Variants in DYNC1I1 observed in about 807,000 individuals in gnomAD.
DYNC1I1 encodes cytoplasmic dynein 1 intermediate chain 1.
DYNC1I1 carries 43 observed loss-of-function variants against 86.6 expected under a neutral mutation model. The ratio of observed to expected loss-of-function variants is 0.50; its 90% CI spans 0.39 to 0.64. The LOEUF is 0.64. Ranked by LOEUF, DYNC1I1 falls within the 30% of genes least tolerant of loss-of-function variation. The pLI, the probability that DYNC1I1 is intolerant of heterozygous loss-of-function variation, is 0.00. For missense variants in DYNC1I1, 604 were observed against 788.8 expected, an observed-to-expected ratio of 0.77 and a Z score of 2.81; for synonymous variants, 262 against 283.7, an observed-to-expected ratio of 0.92 and a Z score of 0.77.
intron 6 of DYNC1I1, among the ~76,000 whole-genome samples, chr7:95,900,157 T>A (rs964852668): frequency 6.6e-6 from 1 of 152,166 alleles, no homozygotes; most frequent in African/African-American, 2.4e-5. Flanking sequence ...TCCATCCTAC[T>A]GCATTTTCAA....
intron 6 of DYNC1I1, among the ~76,000 whole-genome samples, chr7:95,912,423 A>G (rs1791362239): frequency 6.6e-6 from 1 of 152,220 alleles, no homozygotes; most frequent in Non-Finnish European, 1.5e-5. Context: ...TCTCCGTGGT[A>G]TGAGGACATT....
intron 6 of DYNC1I1, among the ~76,000 whole-genome samples, chr7:95,958,901 TGAG>T (rs1351668095): frequency 6.6e-6 from 1 of 152,134 alleles, no homozygotes; most frequent in East Asian, 1.9e-4. Context: ...TTATGGCCCT[TGAG>T]GAGTTTTAAG....
At chr7:95,971,538 C>T (rs1313654376) in intron 6 of DYNC1I1, among the ~76,000 whole-genome samples, 1 of 152,134 alleles carries the variant, frequency 6.6e-6, no homozygotes, top group Non-Finnish European at 1.5e-5. Context: ...CTTTATATCT[C>T]TCCAAGTCTA....
Position 95,977,575 on chromosome 7 carries a change from A to C in DYNC1I1, c.554A>C (p.Gln185Pro), listed in dbSNP as rs141450323. The C allele has an allele frequency of 2.9e-5, 46 of 1,613,342 alleles. No homozygotes were observed. The African/African-American group carries it at 6.0e-4, about 21-fold the overall frequency. The stretch of plus-strand genomic sequence containing the variant: ...GGCCAGGACTCAGAACTGGAAAATC[A>C]GGACAAAAAACAGGAAGTGAAGGAA... ...KVGQDSELEN[Q>P]DKKQEVKEAP... The change falls in exon 7 of 17, where the codon CAG becomes CCG. Residue 185 changes from glutamine (Q) to proline (P), a missense_variant. By Grantham distance (76) the Gln-to-Pro change is moderately conservative. Transcript: ENST00000447467.
chr7:95,990,703 T>C (rs993646227), intron 9 of DYNC1I1, among the ~76,000 whole-genome samples: 2 of 152,162 alleles, frequency 1.3e-5, no homozygotes, highest in East Asian at 1.9e-4. Flanking sequence ...CACACACTTA[T>C]TGTGAGTGTT....
rs796292833 is a variant in DYNC1I1 at position 96,036,039 on chromosome 7, C to T, written c.1364+287C>T. On this transcript the variant is annotated intron_variant, in intron 13 of 16. Transcript: ENST00000447467. The stretch of plus-strand genomic sequence containing the variant: ...ATCTCCGCATACCTTCAGGGTCTAG[C>T]CATGTGCCCATCAGAGATAACAATC... Among the ~76,000 whole-genome samples the T allele has an allele frequency of 3.7e-4, 57 of 152,320 alleles. 1 individual carries two copies. Among genetic ancestry groups the T allele is most frequent in the African/African-American group, 1.3e-3 (56 of 41,570 alleles).
intron 10 of DYNC1I1, among the ~76,000 whole-genome samples, chr7:96,014,392 T>A (rs113890949): frequency 6.6e-6 from 1 of 152,166 alleles, no homozygotes; most frequent in African/African-American, 2.4e-5. Flanking sequence ...TTTTTCGGAA[T>A]CTGAAATAGG....
intron 14 of DYNC1I1, among the ~76,000 whole-genome samples, chr7:96,069,758 C>A (rs532043650): frequency 6.6e-6 from 1 of 152,054 alleles, no homozygotes; most frequent in Non-Finnish European, 1.5e-5. Flanking sequence ...TTATTGGTGG[C>A]GCCTCTTGGA....
chr7:96,053,367 C>T (rs1789464000), intron 14 of DYNC1I1, among the ~76,000 whole-genome samples: 3 of 152,102 alleles, frequency 2.0e-5, no homozygotes, highest in Admixed American at 6.6e-5. Flanking sequence ...CTCATCTGGC[C>T]TTTCTGCTAG....
chr7:95,944,351 C>T (rs1173691966), intron 6 of DYNC1I1, among the ~76,000 whole-genome samples: 2 of 151,994 alleles, frequency 1.3e-5, no homozygotes, highest in Non-Finnish European at 2.9e-5. Flanking sequence ...GTTAGAATGG[C>T]AATCATTAAA....
At chr7:96,091,341 AT>A in intron 16 of DYNC1I1, among the ~76,000 whole-genome samples, 1 of 152,342 alleles carries the variant, frequency 6.6e-6, no homozygotes, top group East Asian at 1.9e-4. Flanking sequence ...ATTGTCGTGT[AT>A]CTCTTGGAAA....
chr7:96,080,575 G>A (rs1790484323), intron 16 of DYNC1I1, 87 bp downstream of exon 16: 1 of 1,609,110 alleles, frequency 6.2e-7, no homozygotes, highest in Non-Finnish European at 8.5e-7. Context: ...GAACTTGTAG[G>A]CCACAAGGAC....
At chr7:95,983,675 A>G (rs1317409734) in intron 7 of DYNC1I1, among the ~76,000 whole-genome samples, 5 of 152,182 alleles carry the variant, frequency 3.3e-5, no homozygotes, top group Non-Finnish European at 7.4e-5. Flanking sequence ...TACAGGTGAT[A>G]GTACCTAAAA....
In DYNC1I1 at chr7:96,024,867, G is replaced by A. The variant is rs1026655666; in HGVS notation, c.970-3308G>A. Among the ~76,000 whole-genome samples, 7 of 152,114 alleles carry A rather than the reference G, an allele frequency of 4.6e-5. No individual in the cohort carries two copies. In the South Asian group the frequency reaches 1.2e-3, roughly 27 times the overall value. On this transcript the variant is annotated intron_variant, in intron 10 of 16. Coordinates refer to ENST00000447467, the MANE Select transcript of DYNC1I1 (RefSeq NM_001135556.2). ...TTTATTCACAGTCAGTAAATTCTATGACAATCAGCAGCAACAGTAATGACT... is the reference window on the plus strand; with the variant it reads ...TTTATTCACAGTCAGTAAATTCTATAACAATCAGCAGCAACAGTAATGACT...
At chr7:96,078,324 T>G (rs992715387) in intron 15 of DYNC1I1, among the ~76,000 whole-genome samples, 5 of 152,324 alleles carry the variant, frequency 3.3e-5, no homozygotes, top group African/African-American at 1.2e-4. Context: ...TGGAAATATT[T>G]GTGAAACAAA....
chr7:96,041,385 T>C (rs1016234659), intron 14 of DYNC1I1, among the ~76,000 whole-genome samples: 2 of 152,170 alleles, frequency 1.3e-5, no homozygotes, highest in Admixed American at 6.5e-5. Context: ...AAATGCAAAA[T>C]GGCTCAACAC....
chr7:96,103,203 G>T (rs1326014066), downstream of DYNC1I1, among the ~76,000 whole-genome samples: 1 of 152,154 alleles, frequency 6.6e-6, no homozygotes, highest in African/African-American at 2.4e-5. Flanking sequence ...TTACATATGG[G>T]TTAGTTCAGT....
chr7:95,991,797 C>T (rs1793736628), intron 9 of DYNC1I1, among the ~76,000 whole-genome samples: 1 of 152,102 alleles, frequency 6.6e-6, no homozygotes, highest in Admixed American at 6.5e-5. Context: ...CTCAAGGTCT[C>T]ATTTCTTCTG....
chr7:96,023,125 G>A (rs1794593868), intron 10 of DYNC1I1, among the ~76,000 whole-genome samples: 1 of 152,102 alleles, frequency 6.6e-6, no homozygotes, highest in Non-Finnish European at 1.5e-5. Context: ...TAGTTCACTA[G>A]TAGCTAGAAG....
Sources: allele counts gnomAD v4.1 joint callset (sites outside exome capture counted in the v4.1 genomes callset), GRCh38; gene constraint gnomAD v4.1.1; transcripts MANE v1.5; gene names NCBI Gene and HGNC (gene_info 2026-07-23, HGNC 2026-07-21).